The following ZNF277 variants were observed in gnomAD, a reference collection of about 807,000 sequenced individuals.
ZNF277 encodes the protein zinc finger protein 277.
In ZNF277, 55 loss-of-function variants were observed where a neutral mutation model predicts 60.7. That is an observed-to-expected ratio of 0.91 (90% CI 0.73 to 1.13). ZNF277 has a LOEUF of 1.13. Among genes scored for constraint, ZNF277 ranks in the 50% most tolerant of loss-of-function variants. The pLI is 0.00. For missense variants in ZNF277, 510 were observed against 523.0 expected, an observed-to-expected ratio of 0.98 and a Z score of 0.24; for synonymous variants, 178 against 179.3, an observed-to-expected ratio of 0.99 and a Z score of 0.06.
chr7:112,226,171 A>G (rs2116969885), intron 1 of ZNF277, among the ~76,000 whole-genome samples: 1 of 152,346 alleles, frequency 6.6e-6, no homozygotes, highest in East Asian at 1.9e-4. Context: ...TCCATCTGTA[A>G]ATATCTCCAG....
intron 1 of ZNF277, among the ~76,000 whole-genome samples, chr7:112,283,224 G>A (rs980149957): frequency 2.0e-5 from 3 of 152,194 alleles, no homozygotes; most frequent in African/African-American, 4.8e-5. Flanking sequence ...ATCTAAAAAT[G>A]TTATATTAAA....
At chr7:112,231,075 G>C (rs1454410141) in intron 1 of ZNF277, among the ~76,000 whole-genome samples, 1 of 152,028 alleles carries the variant, frequency 6.6e-6, no homozygotes, top group South Asian at 2.1e-4. Flanking sequence ...TTAGCTGGGC[G>C]TGGTGGCAGG....
At chr7:112,296,934 T>A (rs1265822299) in intron 4 of ZNF277, among the ~76,000 whole-genome samples, 50 of 92,164 alleles carry the variant, frequency 5.4e-4, no homozygotes, top group African/African-American at 1.6e-3. Context: ...TTTTTTTTTT[T>A]TTTTTTTTTT....
chr7:112,284,199 C>G (rs1302840075), intron 1 of ZNF277, among the ~76,000 whole-genome samples: 38 of 152,166 alleles, frequency 2.5e-4, no homozygotes, highest in Admixed American at 2.5e-3. Context: ...AGGTAATTTG[C>G]AAATAGCAAG....
intron 7 of ZNF277, among the ~76,000 whole-genome samples, chr7:112,334,570 G>T (rs972235412): frequency 3.3e-5 from 5 of 152,100 alleles, no homozygotes; most frequent in Admixed American, 6.5e-5. Context: ...GGGGTAAGTG[G>T]TTAATGCTGT....
At chr7:112,240,266 G>C (rs1055462958) in intron 1 of ZNF277, among the ~76,000 whole-genome samples, 3 of 152,108 alleles carry the variant, frequency 2.0e-5, no homozygotes, top group Admixed American at 6.6e-5. Context: ...CTGTACTCCA[G>C]TGTTACATCA....
rs529673641 is a variant in ZNF277, at chr7:112,232,721, T to C, written c.91+25914T>C. On this transcript the variant is annotated intron_variant, in intron 1 of 11. Coordinates refer to ENST00000361822, the MANE Select transcript of ZNF277 (RefSeq NM_021994.3). ...TTTTGCAGTGTCTAAGTCAAAAATATGGTGGTGCACGTCCTATCCCATTGA... is the reference window on the plus strand; with the variant it reads ...TTTTGCAGTGTCTAAGTCAAAAATACGGTGGTGCACGTCCTATCCCATTGA... 2.1e-4 allele frequency among the ~76,000 whole-genome samples: 32 copies of C among 152,286 alleles called. 1 individual carries two copies. The South Asian group carries it at 6.4e-3, about 31-fold the overall frequency.
At chr7:112,231,986 C>T (rs1822344335) in intron 1 of ZNF277, among the ~76,000 whole-genome samples, 1 of 147,632 alleles carries the variant, frequency 6.8e-6, no homozygotes, top group African/African-American at 2.5e-5. Context: ...TCTCCAATTA[C>T]CTCCCTTGGC....
intron 1 of ZNF277, among the ~76,000 whole-genome samples, chr7:112,277,996 C>T (rs1791849845): frequency 6.6e-6 from 1 of 152,164 alleles, no homozygotes; most frequent in Admixed American, 6.5e-5. Context: ...ATTGCATTCT[C>T]CATAGTGGTA....
At chr7:112,303,126 T>G (rs1253000763) in intron 4 of ZNF277, among the ~76,000 whole-genome samples, 2 of 151,802 alleles carry the variant, frequency 1.3e-5, no homozygotes, top group Non-Finnish European at 2.9e-5. Flanking sequence ...AATTTTTATA[T>G]TTTTAGTAGA....
At chr7:112,255,600 C>T (rs1288367730) in intron 1 of ZNF277, among the ~76,000 whole-genome samples, 1 of 152,182 alleles carries the variant, frequency 6.6e-6, no homozygotes, top group African/African-American at 2.4e-5. Context: ...ATCCAGATGT[C>T]AGTTAGTCCA....
At chr7:112,310,454 T>TGAGAGA (rs377447375) in intron 4 of ZNF277, among the ~76,000 whole-genome samples, 8 of 117,294 alleles carry the variant, frequency 6.8e-5, no homozygotes, top group Admixed American at 1.6e-4. Context: ...AGGTTAGGTT[T>TGAGAGA]GAGAGAGAGA....
At chr7:112,302,684 G>A (rs180938361) in intron 4 of ZNF277, among the ~76,000 whole-genome samples, 1 of 151,982 alleles carries the variant, frequency 6.6e-6, no homozygotes, top group Non-Finnish European at 1.5e-5. Context: ...ACCACTTTGA[G>A]CATCTTCAAC....
At chr7:112,278,828 G>A (rs977536391) in intron 1 of ZNF277, among the ~76,000 whole-genome samples, 3 of 151,784 alleles carry the variant, frequency 2.0e-5, no homozygotes, top group Non-Finnish European at 4.4e-5. Flanking sequence ...GTACATTATT[G>A]TACAACAGAT....
chr7:112,213,840 A>G (rs1013705408), intron 1 of ZNF277, among the ~76,000 whole-genome samples: 1 of 152,246 alleles, frequency 6.6e-6, no homozygotes, highest in African/African-American at 2.4e-5. Context: ...AGGCCAGCTT[A>G]GGATCAGATT....
chr7:112,230,373 C>T (rs185974740), intron 1 of ZNF277, among the ~76,000 whole-genome samples: 55 of 152,216 alleles, frequency 3.6e-4, no homozygotes, highest in African/African-American at 1.3e-3. Context: ...AACTGGATGC[C>T]CAGCTAAAAA....
At chr7:112,247,324 G>T (rs1791107721) in intron 1 of ZNF277, among the ~76,000 whole-genome samples, 1 of 152,096 alleles carries the variant, frequency 6.6e-6, no homozygotes, top group Non-Finnish European at 1.5e-5. Context: ...ACATTAGCTA[G>T]GGTAGATTAA....
intron 1 of ZNF277, among the ~76,000 whole-genome samples, chr7:112,277,124 C>T (rs1791820236): frequency 7.2e-6 from 1 of 138,966 alleles, no homozygotes; most frequent in Admixed American, 7.9e-5. Context: ...CCCTCTGTCG[C>T]CCAGGCTGGA....
At chr7:112,288,905 C>G (rs1792134595) in intron 2 of ZNF277, 1 of 139,026 alleles carries the variant, frequency 7.2e-6, no homozygotes, top group African/African-American at 2.8e-5. Context: ...TTCCAAGATT[C>G]CAGACACATC....
Sources: allele counts gnomAD v4.1 joint callset (sites outside exome capture counted in the v4.1 genomes callset), GRCh38; gene constraint gnomAD v4.1.1; transcripts MANE v1.5; gene names NCBI Gene and HGNC (gene_info 2026-07-23, HGNC 2026-07-21).